Variants in NDUFB6 observed in about 807,000 individuals in gnomAD.
The protein encoded by NDUFB6 is NADH dehydrogenase [ubiquinone] 1 beta subcomplex subunit 6.
Under a neutral mutation model 17.5 loss-of-function variants are expected in NDUFB6, and 23 were observed. The observed-to-expected ratio is 1.31, with a 90% CI of 0.94 to 1.86. The LOEUF (loss-of-function observed/expected upper bound fraction) is 1.86, where lower values mean the gene tolerates loss of function less well. Ranked by LOEUF, NDUFB6 falls within the 40% of genes most tolerant of loss-of-function variation. The pLI, the probability that NDUFB6 is intolerant of heterozygous loss-of-function variation, is 0.00. For missense variants in NDUFB6, 167 were observed against 153.8 expected (o/e 1.09, Z -0.46); for synonymous variants, 60 against 53.5 (o/e 1.12, Z -0.53).
chr9:32,559,602 C>T (rs114461434), intron 2 of NDUFB6, among the ~76,000 whole-genome samples: 2,419 of 152,202 alleles, frequency 0.016, 80 homozygotes, highest in African/African-American at 0.055. Context: ...CTTCATGATT[C>T]CTCTACCTGA....
intron 3 of NDUFB6, among the ~76,000 whole-genome samples, chr9:32,555,804 A>G (rs557496763): frequency 6.6e-6 from 1 of 152,380 alleles, no homozygotes; most frequent in African/African-American, 2.4e-5. Context: ...CCCCCTGGAC[A>G]GAGCCAGGAA....
intron 3 of NDUFB6, 121 bp from the exon 4 acceptor site, chr9:32,554,065 T>TAA: frequency 1.7e-6 from 1 of 597,760 alleles, no homozygotes. Flanking sequence ...GCATTCCCTT[T>TAA]AAAAGGACCC....
intron 1 of NDUFB6, 139 bp downstream of exon 1, chr9:32,572,742 G>A: frequency 1.5e-6 from 1 of 678,130 alleles, no homozygotes; most frequent in South Asian, 2.7e-5. Flanking sequence ...ACTCCAGGAG[G>A]ACTCTCGGGA....
intron 2 of NDUFB6, among the ~76,000 whole-genome samples, chr9:32,563,088 A>T (rs1434599742): frequency 6.6e-6 from 1 of 152,212 alleles, no homozygotes; most frequent in East Asian, 1.9e-4. Flanking sequence ...AATTTAATCA[A>T]TAAATTACAT....
At chr9:32,565,617 A>C (rs1019348870) in intron 2 of NDUFB6, 1 of 152,696 alleles carries the variant, frequency 6.5e-6, no homozygotes, top group East Asian at 1.9e-4. Flanking sequence ...CTGACGACTC[A>C]CAAGACATCC....
intron 2 of NDUFB6, among the ~76,000 whole-genome samples, chr9:32,564,413 G>A (rs1408507065): frequency 2.0e-5 from 3 of 151,644 alleles, no homozygotes; most frequent in Non-Finnish European, 2.9e-5. Flanking sequence ...TAGCAACCCC[G>A]AGACAAGCAA....
rs371735263 is a variant in NDUFB6, at chr9:32,572,042, C to A, written c.180+839G>T. ...GAAGCTTTGTAGGCCTCAGTTTCTT[C>A]ACATTTAAAATGAGGATTAGGAATA... On this transcript the variant is annotated intron_variant, in intron 1 of 3. Coordinates refer to ENST00000379847, the MANE Select transcript of NDUFB6 (RefSeq NM_002493.5). Among the ~76,000 whole-genome samples, 36 of 152,320 alleles carry A rather than the reference C, an allele frequency of 2.4e-4. 1 individual carries two copies. The South Asian group carries it at 7.0e-3, about 30-fold the overall frequency.
chr9:32,570,817 T>C (rs1821919697), intron 2 of NDUFB6, 143 bp downstream of exon 2: 1 of 510,258 alleles, frequency 2.0e-6, no homozygotes, highest in East Asian at 3.4e-5. Flanking sequence ...TAACTTTCAT[T>C]AAACCTTTTA....
At chr9:32,556,743 T>C (rs1205678523) in intron 3 of NDUFB6, among the ~76,000 whole-genome samples, 2 of 151,778 alleles carry the variant, frequency 1.3e-5, no homozygotes, top group East Asian at 3.9e-4. Flanking sequence ...TAAATATAAA[T>C]TGCCCAGCTG....
At chr9:32,555,408 G>C (rs1051672239) in intron 3 of NDUFB6, among the ~76,000 whole-genome samples, 1 of 152,232 alleles carries the variant, frequency 6.6e-6, no homozygotes, top group African/African-American at 2.4e-5. Context: ...AATGAAGGTA[G>C]CCTTTGAACC....
chr9:32,557,649 T>C (rs1027977964), intron 3 of NDUFB6, among the ~76,000 whole-genome samples: 6 of 151,560 alleles, frequency 4.0e-5, no homozygotes, highest in Non-Finnish European at 8.8e-5. Context: ...ACGGTAATTT[T>C]TGTATTTTTA....
chr9:32,561,588 C>T (rs1821628019), intron 2 of NDUFB6, among the ~76,000 whole-genome samples: 1 of 152,136 alleles, frequency 6.6e-6, no homozygotes, highest in Non-Finnish European at 1.5e-5. Flanking sequence ...CTCAGCCTCC[C>T]AAAGTGCCAG....
chr9:32,556,056 AT>A (rs1266400871), intron 3 of NDUFB6, among the ~76,000 whole-genome samples: 1 of 150,228 alleles, frequency 6.7e-6, no homozygotes, highest in Non-Finnish European at 1.5e-5. Context: ...CTGACATACT[AT>A]TTTACATCAT....
intron 2 of NDUFB6, among the ~76,000 whole-genome samples, chr9:32,560,141 A>C (rs1248404289): frequency 6.6e-6 from 1 of 152,242 alleles, no homozygotes; most frequent in African/African-American, 2.4e-5. Flanking sequence ...CAAAGGAGTG[A>C]GCTGAAGCAA....
At chr9:32,557,226 G>A (rs1266415488) in intron 3 of NDUFB6, among the ~76,000 whole-genome samples, 1 of 143,962 alleles carries the variant, frequency 6.9e-6, no homozygotes, top group Non-Finnish European at 1.5e-5. Flanking sequence ...GTGCAGTGGC[G>A]CAAACTCCGC....
rs1821376605 is a variant in NDUFB6 at position 32,553,888 on chromosome 9, ATCAGGAAAT to A, written c.366_374del (p.Glu122_Pro124del). Reference sequence around the variant, plus strand: ...TTTTACATAATCTTTAATGATGTTGATCAGGAAATTCTTTCATTGGTGGAATTACTTCTC... The same window carrying A: ...TTTTACATAATCTTTAATGATGTTGATCTTTCATTGGTGGAATTACTTCTC... On this transcript the variant is annotated inframe_deletion, in exon 4 of 4. Coordinates refer to ENST00000379847, the MANE Select transcript of NDUFB6 (RefSeq NM_002493.5). The A allele has an allele frequency of 6.3e-7, 1 of 1,589,600 alleles. No homozygotes were observed. Among genetic ancestry groups the A allele is most frequent in the African/African-American group, 1.3e-5 (1 of 74,260 alleles).
chr9:32,572,854 G>C, intron 1 of NDUFB6, 27 bp downstream of exon 1: 1 of 1,530,616 alleles, frequency 6.5e-7, no homozygotes, highest in Non-Finnish European at 8.8e-7. Context: ...GATGTGTTGG[G>C]GGGGACCGGA....
chr9:32,561,566 C>A (rs1821626942), intron 2 of NDUFB6, among the ~76,000 whole-genome samples: 1 of 152,006 alleles, frequency 6.6e-6, no homozygotes, highest in Non-Finnish European at 1.5e-5. Flanking sequence ...TGAGCTCAAG[C>A]AATCCACCCG....
At chr9:32,566,305 A>G in intron 2 of NDUFB6, 1 of 1,179,900 alleles carries the variant, frequency 8.5e-7, no homozygotes. Flanking sequence ...AAATATTCCC[A>G]GTCCACTTCT....
Sources: allele counts gnomAD v4.1 joint callset (sites outside exome capture counted in the v4.1 genomes callset), GRCh38; gene constraint gnomAD v4.1.1; transcripts MANE v1.5; gene names NCBI Gene and HGNC (gene_info 2026-07-23, HGNC 2026-07-21).